The following WWOX variants were observed in gnomAD, a reference collection of about 807,000 sequenced individuals.
WWOX encodes WW domain-containing oxidoreductase.
A neutral mutation model predicts 46.2 loss-of-function variants in WWOX; 69 were observed. That is an observed-to-expected ratio of 1.49 (90% CI 1.23 to 1.82). The LOEUF (loss-of-function observed/expected upper bound fraction) is 1.82. Ranked by LOEUF, WWOX falls within the 40% of genes most tolerant of loss-of-function variation. WWOX has a pLI of 0.00. For synonymous variants in WWOX, 359 were observed against 202.6 expected (o/e 1.77, Z -6.56); for missense variants, 919 against 542.6 (o/e 1.69, Z -6.89).
intron 6 of WWOX, among the ~76,000 whole-genome samples, chr16:78,403,529 CTCTT>C (rs1049168334): frequency 7.2e-5 from 11 of 152,228 alleles, no homozygotes; most frequent in African/African-American, 2.6e-4. Context: ...TTCAGGAAGG[CTCTT>C]TGTTTATTGC....
At chr16:79,189,358 G>A (rs1475243154) in intron 8 of WWOX, among the ~76,000 whole-genome samples, 1 of 151,168 alleles carries the variant, frequency 6.6e-6, no homozygotes, top group Non-Finnish European at 1.5e-5. Context: ...CCCAGGCTTA[G>A]GTGATCCTCC....
At chr16:78,224,689 G>C (rs952683884) in intron 5 of WWOX, among the ~76,000 whole-genome samples, 1 of 152,204 alleles carries the variant, frequency 6.6e-6, no homozygotes, top group Non-Finnish European at 1.5e-5. Context: ...CTGGTTCCAA[G>C]AATAAGATAA....
At chr16:78,883,486 G>A (rs533647382) in intron 8 of WWOX, among the ~76,000 whole-genome samples, 3 of 152,264 alleles carry the variant, frequency 2.0e-5, no homozygotes, top group African/African-American at 4.8e-5. Context: ...CATTGCGGGA[G>A]GCTGAGGCAA....
chr16:78,328,790 C>T (rs1012808711), intron 5 of WWOX, among the ~76,000 whole-genome samples: 2 of 152,078 alleles, frequency 1.3e-5, no homozygotes, highest in African/African-American at 4.8e-5. Flanking sequence ...TTTTCCTGGC[C>T]TTGGTCTCAG....
intron 5 of WWOX, among the ~76,000 whole-genome samples, chr16:78,334,558 C>A (rs535279775): frequency 8.5e-5 from 13 of 152,052 alleles, no homozygotes; most frequent in African/African-American, 2.4e-4. Context: ...TCATTCTGTT[C>A]AATTATTTTC....
intron 8 of WWOX, among the ~76,000 whole-genome samples, chr16:78,834,355 A>G (rs2051916530): frequency 6.6e-6 from 1 of 152,200 alleles, no homozygotes. Context: ...GCTACGGGAA[A>G]GTTTCCAGGA....
intron 5 of WWOX, among the ~76,000 whole-genome samples, chr16:78,278,080 G>T (rs2079611960): frequency 6.6e-6 from 1 of 152,148 alleles, no homozygotes; most frequent in African/African-American, 2.4e-5. Flanking sequence ...CTCTGATGAT[G>T]TTTCCATAAT....
chr16:79,125,438 G>A (rs532964251), intron 8 of WWOX, among the ~76,000 whole-genome samples: 14 of 152,354 alleles, frequency 9.2e-5, no homozygotes, highest in African/African-American at 3.4e-4. Context: ...TCTGAAGCCT[G>A]ACATTGTAAC....
intron 8 of WWOX, among the ~76,000 whole-genome samples, chr16:79,038,320 T>G (rs2047907028): frequency 6.6e-6 from 1 of 152,118 alleles, no homozygotes; most frequent in Non-Finnish European, 1.5e-5. Flanking sequence ...AACAGTGATT[T>G]TAATGAAAAA....
At position 78,810,499 on chromosome 16, in the gene WWOX, G is replaced by C. The variant is rs2051160227; in HGVS notation, c.1056+377747G>C. ...ATTATGGGAACCCCCTGTATCACTTGAGATTCTTGGATCCATATTTGCTGT... is the reference window on the plus strand; with the variant it reads ...ATTATGGGAACCCCCTGTATCACTTCAGATTCTTGGATCCATATTTGCTGT... On this transcript the variant is annotated intron_variant, in intron 8 of 8. Transcript: ENST00000566780. 1.3e-5 allele frequency among the ~76,000 whole-genome samples: 2 copies of C among 152,234 alleles called. 1 individual carries two copies. Among genetic ancestry groups the C allele is most frequent in the South Asian group, 4.1e-4 (2 of 4,830 alleles).
rs150574849 is a variant in WWOX, at chr16:79,119,388, A to G, written c.1057-92220A>G. Among the ~76,000 whole-genome samples the G allele has an allele frequency of 3.0e-3, 459 of 152,326 alleles. 3 individuals carry two copies. Among genetic ancestry groups the G allele is most frequent in the Non-Finnish European group, 1.6e-3 (111 of 68,040 alleles). On this transcript the variant is annotated intron_variant, in intron 8 of 8. Transcript: ENST00000566780. Reference sequence around the variant, plus strand: ...TGGATGACAAGTGGATACTTAAGAAAAAGTGTATTTTGGAGAAAGTTGCAA... The same window carrying G: ...TGGATGACAAGTGGATACTTAAGAAGAAGTGTATTTTGGAGAAAGTTGCAA...
intron 5 of WWOX, among the ~76,000 whole-genome samples, chr16:78,209,547 G>A (rs1287345695): frequency 6.6e-6 from 1 of 152,114 alleles, no homozygotes; most frequent in Admixed American, 6.5e-5. Flanking sequence ...TTTGAACATT[G>A]TTCTGTATAA....
chr16:78,100,651 G>A (rs984541961), intron 1 of WWOX, among the ~76,000 whole-genome samples: 1 of 152,188 alleles, frequency 6.6e-6, no homozygotes. Flanking sequence ...GTGTGACCTT[G>A]GGCCATTGAA....
intron 6 of WWOX, among the ~76,000 whole-genome samples, chr16:78,392,003 T>A (rs75275558): frequency 6.6e-6 from 1 of 151,806 alleles, no homozygotes; most frequent in African/African-American, 2.4e-5. Context: ...TCCTTTTTTT[T>A]TTTTTCCTTA....
Position 78,506,052 on chromosome 16 carries a change from A to G in WWOX, c.1056+73300A>G, listed in dbSNP as rs570783021. The stretch of plus-strand genomic sequence containing the variant: ...CCTTGCACCCCTGGATCTTCTGCTG[A>G]GTATCGGATTGGTCTGCGTCCAAGA... On this transcript the variant is annotated intron_variant, in intron 8 of 8. Transcript: ENST00000566780. Among the ~76,000 whole-genome samples, 438 of 152,250 alleles carry G rather than the reference A, an allele frequency of 2.9e-3. 3 individuals carry two copies. Among genetic ancestry groups the G allele is most frequent in the Middle Eastern group, 0.014 (4 of 294 alleles).
At chr16:78,440,773 C>G (rs1172458702) in intron 8 of WWOX, among the ~76,000 whole-genome samples, 1 of 151,716 alleles carries the variant, frequency 6.6e-6, no homozygotes, top group African/African-American at 2.4e-5. Flanking sequence ...CACTGGCCAC[C>G]AAACCCAGCT....
At chr16:78,845,022 C>T (rs2052260831) in intron 8 of WWOX, among the ~76,000 whole-genome samples, 1 of 152,150 alleles carries the variant, frequency 6.6e-6, no homozygotes, top group South Asian at 2.1e-4. Flanking sequence ...GGACACAGCG[C>T]AGTGAAGCGG....
intron 4 of WWOX, among the ~76,000 whole-genome samples, chr16:78,128,198 T>C (rs1003904361): frequency 6.6e-6 from 1 of 152,142 alleles, no homozygotes; most frequent in South Asian, 2.1e-4. Context: ...TTTTTTTTTT[T>C]GTTGTTGTTA....
chr16:78,709,503 C>G (rs2048393801), intron 8 of WWOX, among the ~76,000 whole-genome samples: 1 of 152,150 alleles, frequency 6.6e-6, no homozygotes, highest in South Asian at 2.1e-4. Context: ...GACACAGGCC[C>G]TCTCAATCTG....
Sources: allele counts gnomAD v4.1 joint callset (sites outside exome capture counted in the v4.1 genomes callset), GRCh38; gene constraint gnomAD v4.1.1; transcripts MANE v1.5; gene names NCBI Gene and HGNC (gene_info 2026-07-23, HGNC 2026-07-21).